RBMS1: variants seen among roughly 807,000 people sequenced by gnomAD.
RBMS1 encodes RNA-binding motif, single-stranded-interacting protein 1.
Under a neutral mutation model 62.3 loss-of-function variants are expected in RBMS1, and 17 were observed. The ratio of observed to expected loss-of-function variants is 0.27; its 90% CI spans 0.19 to 0.41. The LOEUF (loss-of-function observed/expected upper bound fraction) is 0.41, where lower values mean the gene tolerates loss of function less well. Among genes scored for constraint, RBMS1 ranks in the 10% least tolerant of loss-of-function variants. The pLI, the probability that RBMS1 is intolerant of heterozygous loss-of-function variation, is 1.00. For missense variants in RBMS1, 334 were observed against 504.5 expected (o/e 0.66, Z 3.24); for synonymous variants, 172 against 170.0 (o/e 1.01, Z -0.09).
intron 2 of RBMS1, among the ~76,000 whole-genome samples, chr2:160,344,156 A>T (rs58748091): frequency 3.9e-5 from 6 of 152,070 alleles, no homozygotes; most frequent in Non-Finnish European, 5.9e-5. Flanking sequence ...TTAAAAGTCA[A>T]GATGAAATCG....
intron 2 of RBMS1, among the ~76,000 whole-genome samples, chr2:160,362,601 T>C (rs1312275940): frequency 6.6e-6 from 1 of 152,108 alleles, no homozygotes; most frequent in East Asian, 1.9e-4. Flanking sequence ...CCCAAAACAA[T>C]GAACATTAAA....
At chr2:160,485,471 G>C (rs1461761350) in intron 1 of RBMS1, among the ~76,000 whole-genome samples, 1 of 152,168 alleles carries the variant, frequency 6.6e-6, no homozygotes, top group East Asian at 1.9e-4. Context: ...AGAACTATAC[G>C]TGAATTATAA....
At position 160,420,896 on chromosome 2, in the gene RBMS1, A is replaced by C. The variant is rs1213463166; in HGVS notation, c.76-53505T>G. Reference sequence around the variant, plus strand: ...AAAAATTATAGCCTCTTGAGGTAAGAAGGTTTGGAAATGATTCACTGTTAT... The same window carrying C: ...AAAAATTATAGCCTCTTGAGGTAAGCAGGTTTGGAAATGATTCACTGTTAT... On this transcript the variant is annotated intron_variant, in intron 1 of 13. Transcript: ENST00000348849. Among the ~76,000 whole-genome samples, 5 of 152,306 alleles carry C rather than the reference A, an allele frequency of 3.3e-5. No individual in the cohort carries two copies. The East Asian group carries it at 7.7e-4, about 24-fold the overall frequency.
At chr2:160,468,231 C>T (rs1684772810) in intron 1 of RBMS1, among the ~76,000 whole-genome samples, 1 of 152,172 alleles carries the variant, frequency 6.6e-6, no homozygotes, top group African/African-American at 2.4e-5. Flanking sequence ...GTCTGGGTCA[C>T]TCAACAAATA....
intron 2 of RBMS1, among the ~76,000 whole-genome samples, chr2:160,343,147 C>T (rs1480447253): frequency 6.6e-5 from 10 of 152,140 alleles, no homozygotes. Flanking sequence ...TGAAATGCTA[C>T]ACCCAAGGAG....
intron 1 of RBMS1, among the ~76,000 whole-genome samples, chr2:160,414,643 C>G (rs990898882): frequency 2.6e-5 from 4 of 152,158 alleles, no homozygotes; most frequent in African/African-American, 4.8e-5. Flanking sequence ...AGTTATTGCT[C>G]TGCTCTGGCA....
chr2:160,414,346 AG>A (rs1379048102), intron 1 of RBMS1, among the ~76,000 whole-genome samples: 1 of 151,936 alleles, frequency 6.6e-6, no homozygotes, highest in African/African-American at 2.4e-5. Flanking sequence ...GGACAGAGTT[AG>A]GAGAGAAGCA....
intron 1 of RBMS1, among the ~76,000 whole-genome samples, chr2:160,414,294 A>G (rs756963933): frequency 5.3e-5 from 8 of 152,144 alleles, no homozygotes; most frequent in Non-Finnish European, 1.0e-4. Flanking sequence ...TCTTTAAACC[A>G]GTTTTTTTGT....
At chr2:160,389,242 C>T (rs1296905088) in intron 1 of RBMS1, among the ~76,000 whole-genome samples, 1 of 152,122 alleles carries the variant, frequency 6.6e-6, no homozygotes, top group Non-Finnish European at 1.5e-5. Flanking sequence ...TGAGGAAACA[C>T]AATTTTTAAA....
chr2:160,333,781 A>C (rs1691415853), intron 2 of RBMS1, among the ~76,000 whole-genome samples: 1 of 152,194 alleles, frequency 6.6e-6, no homozygotes, highest in South Asian at 2.1e-4. Flanking sequence ...CTAGTGGCTG[A>C]GCATAAAACA....
chr2:160,438,188 T>C (rs1024168753), intron 1 of RBMS1, among the ~76,000 whole-genome samples: 1 of 151,902 alleles, frequency 6.6e-6, no homozygotes, highest in Non-Finnish European at 1.5e-5. Flanking sequence ...GCAGACTCCA[T>C]AGGGGAATCA....
At chr2:160,434,815 A>G (rs1396367082) in intron 1 of RBMS1, among the ~76,000 whole-genome samples, 1 of 152,214 alleles carries the variant, frequency 6.6e-6, no homozygotes, top group Non-Finnish European at 1.5e-5. Flanking sequence ...AATTATTTTT[A>G]TCTAATGGTT....
chr2:160,278,555 G>C lies in RBMS1; in HGVS notation c.1055C>G (p.Thr352Ser), dbSNP rs1475107619. 1 of 1,611,786 alleles carries C rather than the reference G, an allele frequency of 6.2e-7. No homozygotes were observed. The highest frequency in any genetic ancestry group is 8.5e-7 in the Non-Finnish European group (1 of 1,178,386). ...QQMSHLSLGSTGTYMPATSAM... is the reference protein window; with the variant it reads ...QQMSHLSLGSSGTYMPATSAM... ...TAATTATTTGCCACCTACTGTTCCG[G>C]TGCTGCCTAGTGACAGATGACTCAT... is the stretch of plus-strand genomic sequence containing the variant. The change falls in exon 11 of 14, where the codon ACC becomes AGC. Residue 352 changes from threonine to serine, a missense_variant. By Grantham distance (58) the Thr-to-Ser change is moderately conservative. This residue lies in a region of RBMS1 where 182 missense variants were observed against 257.7 expected (regional missense o/e 0.71). Transcript: ENST00000348849.
intron 1 of RBMS1, among the ~76,000 whole-genome samples, chr2:160,439,371 T>C (rs1683290785): frequency 6.7e-6 from 1 of 148,186 alleles, no homozygotes; most frequent in African/African-American, 2.5e-5. Flanking sequence ...TCTCCTCACT[T>C]CTCAGACGGG....
intron 1 of RBMS1, among the ~76,000 whole-genome samples, chr2:160,483,732 C>CT (rs1294292208): frequency 6.6e-6 from 1 of 152,142 alleles, no homozygotes; most frequent in Non-Finnish European, 1.5e-5. Flanking sequence ...TGGCTTAACT[C>CT]TAAGAGTACA....
At chr2:160,306,429 T>C (rs1689528645) in intron 4 of RBMS1, among the ~76,000 whole-genome samples, 2 of 152,204 alleles carry the variant, frequency 1.3e-5, no homozygotes, top group Admixed American at 1.3e-4. Context: ...CTCTTTGATA[T>C]AGTGAAATAG....
chr2:160,407,476 G>C, intron 1 of RBMS1: 1 of 986,186 alleles, frequency 1.0e-6, no homozygotes, highest in Non-Finnish European at 1.2e-6. Context: ...GCTTGCGATA[G>C]GGCGTCCGGC....
chr2:160,296,880 C>G (rs1200800475), intron 6 of RBMS1, among the ~76,000 whole-genome samples: 3 of 152,206 alleles, frequency 2.0e-5, no homozygotes, highest in African/African-American at 4.8e-5. Flanking sequence ...ACTCCTCCCC[C>G]ATTCAGATAT....
At chr2:160,433,393 C>A (rs1317659946) in intron 1 of RBMS1, among the ~76,000 whole-genome samples, 2 of 152,176 alleles carry the variant, frequency 1.3e-5, no homozygotes, top group Non-Finnish European at 2.9e-5. Flanking sequence ...TAGCCTGGCC[C>A]ACAGTGTGAG....
Sources: allele counts gnomAD v4.1 joint callset (sites outside exome capture counted in the v4.1 genomes callset), GRCh38; gene constraint gnomAD v4.1.1; regional missense constraint gnomAD v4.1.1; transcripts MANE v1.5; gene names NCBI Gene and HGNC (gene_info 2026-07-23, HGNC 2026-07-21).